Variants in NDUFA9 observed in about 807,000 individuals in gnomAD.
The protein encoded by NDUFA9 is NADH dehydrogenase [ubiquinone] 1 alpha subcomplex subunit 9, mitochondrial.
Under a neutral mutation model 45.9 loss-of-function variants are expected in NDUFA9, and 23 were observed. The observed-to-expected ratio is 0.50, with a 90% CI of 0.36 to 0.71. The LOEUF is 0.71. NDUFA9 is among the 30% of genes least tolerant of loss of function. The probability of loss-of-function intolerance (pLI) is 0.00; values close to 1 mark genes in which losing one functional copy is unlikely to be tolerated. For missense variants in NDUFA9, 466 were observed against 488.2 expected (o/e 0.95, Z 0.43); for synonymous variants, 176 against 170.5 (o/e 1.03, Z -0.25).
rs117674918 is a variant in NDUFA9 at position 4,688,391 on chromosome 12, A to G, written c.*1283A>G. ...TCTCAGTTATTCGGGAGGCTAAGGTATGATGATTGCTTGAGCCTGGGAGTT... is the reference window on the plus strand; with the variant it reads ...TCTCAGTTATTCGGGAGGCTAAGGTGTGATGATTGCTTGAGCCTGGGAGTT... On this transcript the variant is annotated 3_prime_UTR_variant, in exon 11 of 11. Coordinates refer to ENST00000266544, the MANE Select transcript of NDUFA9 (RefSeq NM_005002.5). 3,363 of 149,648 alleles carry G rather than the reference A, an allele frequency of 0.022. 60 individuals carry two copies. Among genetic ancestry groups the G allele is most frequent in the South Asian group, 0.064 (294 of 4,582 alleles). The allele number at this position is 149,648 out of a possible 1,614,324, so 9.3% of individuals were successfully genotyped here.
At chr12:4,675,858 AAG>A (rs1349029219) in intron 8 of NDUFA9, among the ~76,000 whole-genome samples, 3 of 152,220 alleles carry the variant, frequency 2.0e-5, no homozygotes, top group Non-Finnish European at 4.4e-5. Flanking sequence ...ACAGCAAAAA[AAG>A]AAAATTTCAG....
intron 9 of NDUFA9, among the ~76,000 whole-genome samples, chr12:4,684,702 G>A (rs1945973908): frequency 6.6e-6 from 1 of 152,184 alleles, no homozygotes; most frequent in African/African-American, 2.4e-5. Context: ...ATTTTCATTA[G>A]CAGTGAAGAG....
chr12:4,678,566 A>G (rs761081517), intron 8 of NDUFA9, among the ~76,000 whole-genome samples: 12 of 152,208 alleles, frequency 7.9e-5, no homozygotes, highest in Non-Finnish European at 1.6e-4. Context: ...ATAGAGGACT[A>G]CTATCTAGAA....
chr12:4,666,348 C>G (rs1422180656), intron 6 of NDUFA9, among the ~76,000 whole-genome samples: 1 of 152,122 alleles, frequency 6.6e-6, no homozygotes, highest in African/African-American at 2.4e-5. Context: ...TCTCTTCACT[C>G]TGTTAATTGT....
chr12:4,680,593 C>T (rs1316561400), intron 8 of NDUFA9, among the ~76,000 whole-genome samples: 1 of 152,158 alleles, frequency 6.6e-6, no homozygotes, highest in Non-Finnish European at 1.5e-5. Context: ...ACCCATGATA[C>T]CAGTTTTGTT....
chr12:4,656,089 C>T lies in NDUFA9; in HGVS notation c.318+1167C>T, dbSNP rs551632690. ...TACTTGCTAAACTTTCTTACTATCT[C>T]TGGTAATATTCATACAGATTATTTG... is the stretch of plus-strand genomic sequence containing the variant. On this transcript the variant is annotated intron_variant, in intron 3 of 10. Transcript: ENST00000266544. 11 of 152,310 alleles carry T rather than the reference C, an allele frequency of 7.2e-5. No homozygotes were observed. The South Asian group carries it at 2.3e-3, about 32-fold the overall frequency. The allele number at this position is 152,310 out of a possible 1,614,324, so 9.4% of individuals were successfully genotyped here.
chr12:4,665,309 C>T (rs1316646872), intron 6 of NDUFA9, among the ~76,000 whole-genome samples: 1 of 152,176 alleles, frequency 6.6e-6, no homozygotes, highest in Non-Finnish European at 1.5e-5. Context: ...AATTTGACCA[C>T]CTCATATAAG....
At chr12:4,673,537 G>C (rs939721413) in intron 8 of NDUFA9, among the ~76,000 whole-genome samples, 19 of 152,174 alleles carry the variant, frequency 1.2e-4, no homozygotes, top group Non-Finnish European at 7.3e-5. Context: ...GCATACACAA[G>C]TATCAATAGC....
At chr12:4,657,928 C>A in intron 4 of NDUFA9, 89 bp downstream of exon 4, 4 of 995,558 alleles carry the variant, frequency 4.0e-6, no homozygotes, top group Non-Finnish European at 6.4e-6. Flanking sequence ...TGCCAGCTAT[C>A]ACAGTGACAT....
At position 4,662,626 on chromosome 12, in the gene NDUFA9, T is replaced by C; in HGVS notation, c.646T>C (p.Ser216Pro). Residue 216 changes from serine (S) to proline (P), a missense_variant, in exon 6 of 11, where the codon TCT (serine) becomes CCT (proline). By Grantham distance (74) the Ser-to-Pro change is moderately conservative. Transcript: ENST00000266544. ...IFGREDRFLNSFASMHRFGPI... is the reference protein window; with the variant it reads ...IFGREDRFLNPFASMHRFGPI... ...TGGAAGAGAGGATAGATTCCTTAATTCTTTTGCAAGTACGTATTCTTTCTT... is the reference window on the plus strand; with the variant it reads ...TGGAAGAGAGGATAGATTCCTTAATCCTTTTGCAAGTACGTATTCTTTCTT... 1 of 1,613,058 alleles carries C rather than the reference T, an allele frequency of 6.2e-7. No homozygotes were observed. The highest frequency in any genetic ancestry group is 8.5e-7 in the Non-Finnish European group (1 of 1,179,078).
chr12:4,685,191 C>T (rs759136150), intron 9 of NDUFA9, 68 bp from the exon 10 acceptor site: 1 of 1,400,758 alleles, frequency 7.1e-7, no homozygotes, highest in Non-Finnish European at 1.0e-6. Context: ...CTGCAGTTCT[C>T]ATAGGCTAGC....
intron 4 of NDUFA9, 46 bp downstream of exon 4, chr12:4,657,885 G>A: frequency 6.9e-7 from 1 of 1,445,174 alleles, no homozygotes; most frequent in South Asian, 1.1e-5. Context: ...TCTTTCTTAG[G>A]GTTTAATGGA....
intron 10 of NDUFA9, among the ~76,000 whole-genome samples, chr12:4,685,598 C>G (rs1945981350): frequency 6.6e-6 from 1 of 152,156 alleles, no homozygotes; most frequent in East Asian, 1.9e-4. Flanking sequence ...GCCAAAGCCT[C>G]TCTTCCTCCC....
At chr12:4,649,659 A>C (rs1945743910) in intron 1 of NDUFA9, among the ~76,000 whole-genome samples, 1 of 152,180 alleles carries the variant, frequency 6.6e-6, no homozygotes, top group Admixed American at 6.5e-5. Context: ...CTCTGATAAG[A>C]TTAAATGAGC....
At chr12:4,659,301 C>A (rs1430580768) in intron 5 of NDUFA9, 124 bp downstream of exon 5, 2 of 843,472 alleles carry the variant, frequency 2.4e-6, no homozygotes, top group African/African-American at 3.4e-5. Context: ...TTTCTGATTC[C>A]CTGCATCCAG....
At position 4,649,156 on chromosome 12, in the gene NDUFA9, C is replaced by A; in HGVS notation, c.30C>A (p.Val10=). MAAAAQSRV[V]RVLSMSRSAI... ...CGGCTGCCGCACAATCCCGGGTTGT[C>A]CGGGTCCTGTCAATGTCACGTAAGT... The change falls in exon 1 of 11, where the codon GTC becomes GTA. Residue 10 remains valine (V), a synonymous_variant. Transcript: ENST00000266544. 1 of 1,605,370 alleles carries A rather than the reference C, an allele frequency of 6.2e-7. No homozygotes were observed. The highest frequency in any genetic ancestry group is 8.5e-7 in the Non-Finnish European group (1 of 1,176,208).
rs754846929 is a variant in NDUFA9, at chr12:4,689,968, A to G, written c.*2860A>G. The G allele has an allele frequency of 2.6e-5, 4 of 153,090 alleles. No individual in the cohort carries two copies. The highest frequency in any genetic ancestry group is 4.4e-5 in the Non-Finnish European group (3 of 68,784). The allele number at this position is 153,090 out of a possible 1,614,324, so 9.5% of individuals were successfully genotyped here. On this transcript the variant is annotated 3_prime_UTR_variant, in exon 11 of 11. Transcript: ENST00000266544. ...ACTGAAGCCGTAGCATTGACTAAGG[A>G]AACAATTTTACCATCCTAAGCTAGT...
At chr12:4,650,550 T>C (rs1348837516) in intron 1 of NDUFA9, among the ~76,000 whole-genome samples, 1 of 152,202 alleles carries the variant, frequency 6.6e-6, no homozygotes, top group Admixed American at 6.5e-5. Flanking sequence ...TCTGGTAAAG[T>C]AAGTTTTTGA....
chr12:4,658,708 C>T (rs1417349450), intron 4 of NDUFA9, among the ~76,000 whole-genome samples: 2 of 152,088 alleles, frequency 1.3e-5, no homozygotes, highest in African/African-American at 4.8e-5. Context: ...GCAGAGCTGT[C>T]AACTTTTTTA....
Sources: gnomAD v4.1 joint callset for allele counts (sites outside exome capture counted in the v4.1 genomes callset) on GRCh38, gnomAD v4.1.1 for gene constraint, MANE v1.5 for transcripts, NCBI Gene and HGNC (gene_info 2026-07-23, HGNC 2026-07-21) for gene names.